Variants in SUCLG2 observed in about 807,000 individuals in gnomAD.
The protein encoded by SUCLG2 is succinate--CoA ligase [GDP-forming] subunit beta, mitochondrial.
In SUCLG2, 42 loss-of-function variants were observed where a neutral mutation model predicts 47.9. That is an observed-to-expected ratio of 0.88 (90% CI 0.69 to 1.14). SUCLG2 has a LOEUF of 1.14. SUCLG2 is among the 50% of genes most tolerant of loss of function. The pLI is 0.00. For missense variants in SUCLG2, 571 were observed against 525.9 expected (o/e 1.09, Z -0.84); for synonymous variants, 195 against 197.3 (o/e 0.99, Z 0.10).
At chr3:67,499,612 G>A (rs1296299354) in intron 7 of SUCLG2, among the ~76,000 whole-genome samples, 1 of 152,156 alleles carries the variant, frequency 6.6e-6, no homozygotes, top group Non-Finnish European at 1.5e-5. Context: ...AGACTGCAGT[G>A]GAGAGGGTGG....
chr3:67,401,545 T>C (rs1702683091), intron 9 of SUCLG2, among the ~76,000 whole-genome samples: 1 of 148,624 alleles, frequency 6.7e-6, no homozygotes, highest in African/African-American at 2.5e-5. Context: ...AACTTGTTTG[T>C]ACATATTCCA....
intron 9 of SUCLG2, among the ~76,000 whole-genome samples, chr3:67,409,466 A>G (rs1364146683): frequency 6.6e-6 from 1 of 152,212 alleles, no homozygotes; most frequent in Non-Finnish European, 1.5e-5. Flanking sequence ...TGCTTGAAGA[A>G]TGATGATGGG....
chr3:67,608,690 T>TC (rs1281576310), intron 2 of SUCLG2, among the ~76,000 whole-genome samples: 9 of 151,672 alleles, frequency 5.9e-5, no homozygotes, highest in African/African-American at 2.2e-4. Context: ...TTTTTTTTTT[T>TC]TAAGAGAGAG....
At chr3:67,501,806 G>C (rs944494418) in intron 7 of SUCLG2, among the ~76,000 whole-genome samples, 14 of 152,140 alleles carry the variant, frequency 9.2e-5, no homozygotes, top group Middle Eastern at 3.4e-3. Flanking sequence ...CTCACCTGTG[G>C]AGTACAGGGA....
intron 6 of SUCLG2, 26 bp from the exon 7 acceptor site, chr3:67,508,929 T>C: frequency 1.3e-6 from 2 of 1,533,658 alleles, no homozygotes; most frequent in African/African-American, 1.4e-5. Flanking sequence ...TGAAATAGAA[T>C]TACACCAAAG....
intron 1 of SUCLG2, among the ~76,000 whole-genome samples, chr3:67,648,369 ACAAGTCCAAATGAC>A (rs773654141): frequency 3.3e-4 from 51 of 152,354 alleles, no homozygotes; most frequent in Non-Finnish European, 4.1e-4. Context: ...CTTCATCAGC[ACAAGTCCAAATGAC>A]CAAAGGCGAG....
In SUCLG2 at chr3:67,556,935, G is replaced by A. The variant is rs145558682; in HGVS notation, c.227-27749C>T. ...AAAAAACTGGAGAACAGGCAACATG[G>A]GGAGTATGAGATAACATAAATCGTA... On this transcript the variant is annotated intron_variant, in intron 2 of 10. Transcript: ENST00000307227. Among the ~76,000 whole-genome samples the A allele has an allele frequency of 2.6e-5, 4 of 152,296 alleles. No individual in the cohort carries two copies. The East Asian group carries it at 7.7e-4, about 29-fold the overall frequency.
At chr3:67,524,258 G>A (rs1706195703) in intron 4 of SUCLG2, among the ~76,000 whole-genome samples, 2 of 152,146 alleles carry the variant, frequency 1.3e-5, no homozygotes, top group Admixed American at 6.5e-5. Context: ...TTGACACATC[G>A]TCTTTGTGGA....
intron 2 of SUCLG2, among the ~76,000 whole-genome samples, chr3:67,592,323 G>A (rs185244427): frequency 1.0e-3 from 159 of 152,218 alleles, no homozygotes; most frequent in African/African-American, 3.6e-3. Context: ...AGGGTGCAAG[G>A]AAAAACAAAC....
At chr3:67,364,335 C>T (rs1292183236) in intron 10 of SUCLG2, among the ~76,000 whole-genome samples, 3 of 152,110 alleles carry the variant, frequency 2.0e-5, no homozygotes, top group Non-Finnish European at 4.4e-5. Flanking sequence ...GGGAGCCTGG[C>T]CTTCCACCCC....
chr3:67,553,291 ATTGTTCCCT>A (rs955340299), intron 2 of SUCLG2, among the ~76,000 whole-genome samples: 7 of 152,194 alleles, frequency 4.6e-5, no homozygotes, highest in African/African-American at 1.7e-4. Context: ...GCAGCAGGGA[ATTGTTCCCT>A]TTGTCCATGG....
At chr3:67,574,900 C>T (rs1335169667) in intron 2 of SUCLG2, among the ~76,000 whole-genome samples, 2 of 152,052 alleles carry the variant, frequency 1.3e-5, no homozygotes, top group African/African-American at 2.4e-5. Context: ...ACTATATGGC[C>T]AGATAATTTA....
intron 1 of SUCLG2, among the ~76,000 whole-genome samples, chr3:67,642,702 A>G (rs957709273): frequency 1.1e-4 from 16 of 152,200 alleles, no homozygotes; most frequent in Non-Finnish European, 2.4e-4. Context: ...ACTCAACATG[A>G]TAATCCTCCT....
chr3:67,563,054 T>C lies in SUCLG2; in HGVS notation c.227-33868A>G, dbSNP rs1318088710. 2.0e-5 allele frequency among the ~76,000 whole-genome samples: 3 copies of C among 149,922 alleles called. No homozygotes were observed. The East Asian group carries it at 5.8e-4, about 29-fold the overall frequency. ...ATTATAATGTGTACGATTTACATTC[T>C]ATTTATTATTTTAATTATTTCTATT... On this transcript the variant is annotated intron_variant, in intron 2 of 10. Coordinates refer to ENST00000307227, the MANE Select transcript of SUCLG2 (RefSeq NM_003848.4).
At chr3:67,483,315 A>G (rs1300022790) in intron 9 of SUCLG2, among the ~76,000 whole-genome samples, 1 of 152,124 alleles carries the variant, frequency 6.6e-6, no homozygotes, top group Non-Finnish European at 1.5e-5. Context: ...AAGGAGGACA[A>G]CTCCGAGGGG....
chr3:67,409,540 T>G (rs925025734), intron 9 of SUCLG2, among the ~76,000 whole-genome samples: 4 of 152,078 alleles, frequency 2.6e-5, no homozygotes, highest in Non-Finnish European at 5.9e-5. Context: ...GCCATGGAAG[T>G]GGAGGAAAGA....
At chr3:67,392,343 G>A (rs1236188245) in intron 10 of SUCLG2, among the ~76,000 whole-genome samples, 1 of 152,144 alleles carries the variant, frequency 6.6e-6, no homozygotes, top group African/African-American at 2.4e-5. Context: ...AGACATTGAG[G>A]GAATCCCATG....
At chr3:67,596,902 G>C (rs933623487) in intron 2 of SUCLG2, among the ~76,000 whole-genome samples, 6 of 152,156 alleles carry the variant, frequency 3.9e-5, no homozygotes, top group African/African-American at 1.2e-4. Context: ...ATGGCACTGA[G>C]ATAAGCATAT....
At chr3:67,541,774 G>A (rs1325021272) in intron 2 of SUCLG2, among the ~76,000 whole-genome samples, 3 of 152,208 alleles carry the variant, frequency 2.0e-5, no homozygotes, top group South Asian at 2.1e-4. Context: ...GAGAAAAGTC[G>A]GGTTACCCAC....
Sources: allele counts gnomAD v4.1 joint callset (sites outside exome capture counted in the v4.1 genomes callset), GRCh38; gene constraint gnomAD v4.1.1; transcripts MANE v1.5; gene names NCBI Gene and HGNC (gene_info 2026-07-23, HGNC 2026-07-21).